DPP10: variants seen among roughly 807,000 people sequenced by gnomAD.
DPP10 encodes dipeptidyl peptidase like 10, also known as inactive dipeptidyl peptidase 10.
In DPP10, 33 loss-of-function variants were observed where a neutral mutation model predicts 120.9. The observed-to-expected ratio is 0.27, with a 90% CI of 0.21 to 0.37. The LOEUF is 0.37. DPP10 is among the 10% of genes least tolerant of loss of function. The probability of loss-of-function intolerance (pLI) is 1.00; values close to 1 mark genes in which losing one functional copy is unlikely to be tolerated. For synonymous variants in DPP10, 337 were observed against 326.1 expected (o/e 1.03, Z -0.36); for missense variants, 816 against 942.8 (o/e 0.87, Z 1.76).
chr2:115,623,814 G>A (rs867694434), intron 5 of DPP10, among the ~76,000 whole-genome samples: 1 of 152,122 alleles, frequency 6.6e-6, no homozygotes, highest in African/African-American at 2.4e-5. Flanking sequence ...CAAGGTACCT[G>A]AGCACCAGAT....
At chr2:115,321,313 A>G (rs1360651032) in intron 2 of DPP10, among the ~76,000 whole-genome samples, 1 of 152,154 alleles carries the variant, frequency 6.6e-6, no homozygotes, top group African/African-American at 2.4e-5. Context: ...AAAGAAAGAA[A>G]GAAAGGAAGC....
chr2:115,614,165 T>C (rs908364017), intron 5 of DPP10, among the ~76,000 whole-genome samples: 7 of 152,220 alleles, frequency 4.6e-5, no homozygotes, highest in Non-Finnish European at 7.3e-5. Context: ...CTTTAAAACA[T>C]GCTTTATGCA....
intron 1 of DPP10, among the ~76,000 whole-genome samples, chr2:114,772,543 A>C (rs577559693): frequency 1.3e-5 from 2 of 152,306 alleles, no homozygotes; most frequent in East Asian, 3.9e-4. Context: ...CACATACCTA[A>C]GCTGGTAAAT....
At chr2:114,926,023 A>G (rs1695594242) in intron 1 of DPP10, among the ~76,000 whole-genome samples, 1 of 152,206 alleles carries the variant, frequency 6.6e-6, no homozygotes, top group Admixed American at 6.5e-5. Context: ...TCTGGCATTG[A>G]AATAGACAAT....
intron 1 of DPP10, among the ~76,000 whole-genome samples, chr2:115,107,074 C>CAAAA (rs1356741088): frequency 3.7e-5 from 3 of 81,286 alleles, no homozygotes; most frequent in Non-Finnish European, 2.8e-5. Context: ...GGCTCTGTCT[C>CAAAA]AAAAAAAAAA....
At chr2:115,568,461 G>C (rs143927393) in intron 5 of DPP10, among the ~76,000 whole-genome samples, 1 of 151,896 alleles carries the variant, frequency 6.6e-6, no homozygotes, top group South Asian at 2.1e-4. Context: ...CCAGCCTGGC[G>C]ACAGAGCGAG....
intron 1 of DPP10, among the ~76,000 whole-genome samples, chr2:114,692,200 G>C (rs1487782055): frequency 1.3e-5 from 2 of 151,830 alleles, no homozygotes; most frequent in Non-Finnish European, 1.5e-5. Flanking sequence ...GATCTTTCTA[G>C]CTTTTTGATG....
intron 1 of DPP10, among the ~76,000 whole-genome samples, chr2:114,950,434 A>G (rs1298340207): frequency 6.6e-6 from 1 of 150,956 alleles, no homozygotes; most frequent in Non-Finnish European, 1.5e-5. Context: ...AGCTGGGACT[A>G]CAGGTTCCCG....
At chr2:114,903,639 A>T (rs1693757101) in intron 1 of DPP10, among the ~76,000 whole-genome samples, 1 of 152,186 alleles carries the variant, frequency 6.6e-6, no homozygotes, top group Non-Finnish European at 1.5e-5. Flanking sequence ...TTTGGGGAGA[A>T]TTGTGACCTT....
At chr2:114,842,535 A>C (rs939045288) in intron 1 of DPP10, among the ~76,000 whole-genome samples, 1 of 152,138 alleles carries the variant, frequency 6.6e-6, no homozygotes, top group Non-Finnish European at 1.5e-5. Context: ...AGATCAGGGT[A>C]CAGAAGATAA....
intron 1 of DPP10, chr2:115,161,918 C>A (rs1319775550): frequency 1.4e-6 from 2 of 1,438,260 alleles, no homozygotes; most frequent in Non-Finnish European, 1.8e-6. Flanking sequence ...GAGTCTGAAG[C>A]GCCCGCGAGG....
chr2:115,051,388 T>G (rs1455487964), intron 1 of DPP10, among the ~76,000 whole-genome samples: 1 of 151,070 alleles, frequency 6.6e-6, no homozygotes, highest in East Asian at 1.9e-4. Flanking sequence ...AAAAAAAAAC[T>G]ATCAACCAAG....
chr2:114,897,344 C>T (rs1478178306), intron 1 of DPP10, among the ~76,000 whole-genome samples: 2 of 152,102 alleles, frequency 1.3e-5, no homozygotes, highest in South Asian at 2.1e-4. Flanking sequence ...TGGTAGAATT[C>T]GGCTGTGAAT....
At chr2:115,725,150 G>A (rs1256747576) in intron 7 of DPP10, among the ~76,000 whole-genome samples, 1 of 152,252 alleles carries the variant, frequency 6.6e-6, no homozygotes, top group African/African-American at 2.4e-5. Context: ...AGGATAAATA[G>A]CATTAGTGTG....
intron 15 of DPP10, among the ~76,000 whole-genome samples, chr2:115,779,186 T>C (rs10496506): frequency 0.08 from 12,234 of 152,202 alleles, 657 homozygotes; most frequent in Non-Finnish European, 0.12. Context: ...TGAATCATAA[T>C]GACTTCTTAG....
At chr2:115,097,218 G>A (rs947716349) in intron 1 of DPP10, among the ~76,000 whole-genome samples, 1 of 152,094 alleles carries the variant, frequency 6.6e-6, no homozygotes, top group Non-Finnish European at 1.5e-5. Flanking sequence ...CAGGCCAACA[G>A]AATGCCCCCC....
intron 3 of DPP10, among the ~76,000 whole-genome samples, chr2:115,480,059 C>T (rs2075333783): frequency 6.6e-6 from 1 of 152,038 alleles, no homozygotes; most frequent in Non-Finnish European, 1.5e-5. Context: ...ATAACCAGGT[C>T]GGGTGTGTGC....
intron 1 of DPP10, among the ~76,000 whole-genome samples, chr2:114,841,692 C>T (rs1245786643): frequency 6.6e-6 from 1 of 151,878 alleles, no homozygotes; most frequent in Non-Finnish European, 1.5e-5. Flanking sequence ...ACAGATCTAC[C>T]ATAAAGTTAA....
At position 115,446,193 on chromosome 2, in the gene DPP10, T is replaced by C. The variant is rs774629702; in HGVS notation, c.272-53317T>C. On this transcript the variant is annotated intron_variant, in intron 3 of 25. Transcript: ENST00000410059. ...GCTGCCAGTGTGCAGAAGACAAGAATTGAGGTTTGGCAACATTTGCCTAGA... is the reference window on the plus strand; with the variant it reads ...GCTGCCAGTGTGCAGAAGACAAGAACTGAGGTTTGGCAACATTTGCCTAGA... Among the ~76,000 whole-genome samples, 187 of 152,236 alleles carry C rather than the reference T, an allele frequency of 1.2e-3. 6 individuals are homozygous for C. The highest frequency in any genetic ancestry group is 2.8e-4 in the Non-Finnish European group (19 of 68,036).
Sources: allele counts gnomAD v4.1 joint callset (sites outside exome capture counted in the v4.1 genomes callset), GRCh38; gene constraint gnomAD v4.1.1; transcripts MANE v1.5; gene names NCBI Gene and HGNC (gene_info 2026-07-23, HGNC 2026-07-21).